CTNNA3: variants seen among roughly 807,000 people sequenced by gnomAD.
The protein encoded by CTNNA3 is catenin alpha 3.
A neutral mutation model predicts 95.7 loss-of-function variants in CTNNA3; 76 were observed. The observed-to-expected ratio is 0.79, with a 90% CI of 0.66 to 0.96. The LOEUF (loss-of-function observed/expected upper bound fraction) is 0.96. Ranked by LOEUF, CTNNA3 falls within the 40% of genes least tolerant of loss-of-function variation. The probability of loss-of-function intolerance (pLI) is 0.00; values close to 1 mark genes in which losing one functional copy is unlikely to be tolerated. For synonymous variants in CTNNA3, 431 were observed against 374.4 expected (o/e 1.15, Z -1.74); for missense variants, 1,191 against 1,089.8 (o/e 1.09, Z -1.31).
intron 13 of CTNNA3, among the ~76,000 whole-genome samples, chr10:66,219,903 C>T (rs1009378447): frequency 3.3e-5 from 5 of 152,030 alleles, no homozygotes; most frequent in African/African-American, 1.2e-4. Context: ...GCGGGCGGCT[C>T]CTTTGAGGTC....
chr10:66,913,218 G>C (rs1363708223), intron 7 of CTNNA3, among the ~76,000 whole-genome samples: 1 of 103,316 alleles, frequency 9.7e-6, no homozygotes, highest in South Asian at 3.4e-4. Flanking sequence ...CGGCCTGGGC[G>C]AAAGAGCGAG....
At chr10:67,160,046 A>T (rs571097389) in intron 7 of CTNNA3, among the ~76,000 whole-genome samples, 55 of 151,990 alleles carry the variant, frequency 3.6e-4, no homozygotes, top group African/African-American at 1.2e-3. Context: ...ATAACCCAAT[A>T]AAAAAAATGG....
chr10:66,066,469 T>C (rs1357218322), intron 15 of CTNNA3, among the ~76,000 whole-genome samples: 8 of 152,222 alleles, frequency 5.3e-5, no homozygotes, highest in Middle Eastern at 3.4e-3. Context: ...CAGAGACATA[T>C]ACAAACAGAT....
At chr10:66,906,243 G>C (rs1448827028) in intron 7 of CTNNA3, among the ~76,000 whole-genome samples, 1 of 152,088 alleles carries the variant, frequency 6.6e-6, no homozygotes, top group Non-Finnish European at 1.5e-5. Context: ...TGGGCTTCCT[G>C]ATAGAATGCA....
chr10:67,433,620 A>G (rs1294834689), intron 5 of CTNNA3, among the ~76,000 whole-genome samples: 1 of 152,072 alleles, frequency 6.6e-6, no homozygotes. Flanking sequence ...AAACACATTG[A>G]ACATTTACAG....
At chr10:67,253,889 A>T (rs529496496) in intron 5 of CTNNA3, among the ~76,000 whole-genome samples, 14 of 152,308 alleles carry the variant, frequency 9.2e-5, no homozygotes, top group Non-Finnish European at 1.9e-4. Context: ...TTCCTTCCTG[A>T]CTGGCTATTC....
chr10:66,538,092 T>C (rs1045269443), intron 10 of CTNNA3, among the ~76,000 whole-genome samples: 3 of 152,164 alleles, frequency 2.0e-5, no homozygotes, highest in Non-Finnish European at 4.4e-5. Flanking sequence ...AGGGACTGTC[T>C]GCTTAAGGGT....
At chr10:66,441,447 A>C (rs1484762380) in intron 11 of CTNNA3, among the ~76,000 whole-genome samples, 1 of 152,228 alleles carries the variant, frequency 6.6e-6, no homozygotes, top group African/African-American at 2.4e-5. Flanking sequence ...TAAAATTAAT[A>C]AAATTACATT....
chr10:66,902,494 T>C (rs1564753802), intron 7 of CTNNA3, among the ~76,000 whole-genome samples: 1 of 151,794 alleles, frequency 6.6e-6, no homozygotes, highest in East Asian at 1.9e-4. Flanking sequence ...AGCAAACAAA[T>C]TCAAAAGCTA....
At chr10:66,999,253 G>T (rs1394804138) in intron 7 of CTNNA3, among the ~76,000 whole-genome samples, 1 of 152,028 alleles carries the variant, frequency 6.6e-6, no homozygotes, top group Non-Finnish European at 1.5e-5. Context: ...TCAGTTAAAA[G>T]ACCTGTGACT....
In CTNNA3 at chr10:65,986,656, T is replaced by C. The variant is rs938226216; in HGVS notation, c.2265+2036A>G. ...TGCCCAGAGCAATATACAGATTCAG[T>C]GTAACCCATAGAAAAATACCAATGA... On this transcript the variant is annotated intron_variant, in intron 16 of 17. Transcript: ENST00000433211. Among the ~76,000 whole-genome samples the C allele has an allele frequency of 2.0e-5, 3 of 151,366 alleles. No individual in the cohort carries two copies. The East Asian group carries it at 5.8e-4, about 29-fold the overall frequency.
At chr10:67,684,643 C>T (rs866259770) in intron 1 of CTNNA3, among the ~76,000 whole-genome samples, 1 of 152,188 alleles carries the variant, frequency 6.6e-6, no homozygotes. Flanking sequence ...CAGAGGGGAT[C>T]TCTTTAGGCC....
intron 15 of CTNNA3, among the ~76,000 whole-genome samples, chr10:66,062,546 T>G (rs2080224751): frequency 6.6e-6 from 1 of 152,112 alleles, no homozygotes; most frequent in Admixed American, 6.6e-5. Context: ...CATTACGGTG[T>G]CTGAGAAGAA....
At chr10:67,736,072 A>G (rs752087714) in intron 1 of CTNNA3, among the ~76,000 whole-genome samples, 4 of 152,246 alleles carry the variant, frequency 2.6e-5, no homozygotes, top group African/African-American at 7.2e-5. Context: ...ATGGATAAAC[A>G]AAATGTGGTA....
chr10:67,750,860 A>C, intron 1 of CTNNA3: 1 of 1,610,862 alleles, frequency 6.2e-7, no homozygotes, highest in Non-Finnish European at 8.5e-7. Context: ...TACCTCACAC[A>C]GGAGAAACTG....
intron 5 of CTNNA3, among the ~76,000 whole-genome samples, chr10:67,502,606 T>A (rs1469959447): frequency 6.6e-6 from 1 of 152,070 alleles, no homozygotes; most frequent in Non-Finnish European, 1.5e-5. Flanking sequence ...CCCAGGGAGA[T>A]GGGTATTTTA....
At chr10:67,132,844 C>T (rs1860090095) in intron 7 of CTNNA3, among the ~76,000 whole-genome samples, 1 of 151,882 alleles carries the variant, frequency 6.6e-6, no homozygotes, top group Non-Finnish European at 1.5e-5. Flanking sequence ...CGTTCCCACT[C>T]ATATGTGAGA....
Position 66,351,852 on chromosome 10 carries a change from T to G in CTNNA3, c.1732+27300A>C, listed in dbSNP as rs74141451. On this transcript the variant is annotated intron_variant, in intron 12 of 17. Transcript: ENST00000433211. ...AAGAGGTCTGAAAATCTGAATTATT[T>G]TATAGTACAAATAACACAAATGTAG... 2.6e-3 allele frequency among the ~76,000 whole-genome samples: 399 copies of G among 152,122 alleles called. 2 individuals carry two copies. The highest frequency in any genetic ancestry group is 9.0e-3 in the African/African-American group (372 of 41,540).
intron 5 of CTNNA3, among the ~76,000 whole-genome samples, chr10:67,413,255 T>G (rs967940429): frequency 3.9e-5 from 6 of 152,302 alleles, no homozygotes; most frequent in East Asian, 1.9e-4. Context: ...CATCATTCAT[T>G]CTTCATGTTT....
Sources: allele counts gnomAD v4.1 joint callset (sites outside exome capture counted in the v4.1 genomes callset), GRCh38; gene constraint gnomAD v4.1.1; transcripts MANE v1.5; gene names NCBI Gene and HGNC (gene_info 2026-07-23, HGNC 2026-07-21).